The following NCAM2 variants were observed in gnomAD, a reference collection of about 807,000 sequenced individuals.
NCAM2 encodes the protein N-CAM-2.
NCAM2 carries 30 observed loss-of-function variants against 98.1 expected under a neutral mutation model. That is an observed-to-expected ratio of 0.31 (90% CI 0.23 to 0.41). The LOEUF is 0.41. Among genes scored for constraint, NCAM2 ranks in the 10% least tolerant of loss-of-function variants. NCAM2 has a pLI of 1.00. For synonymous variants in NCAM2, 368 were observed against 342.4 expected (o/e 1.07, Z -0.83); for missense variants, 867 against 1,005.8 (o/e 0.86, Z 1.87).
chr21:21,538,702 A>C lies in NCAM2; in HGVS notation c.*745A>C, dbSNP rs1274703024. The C allele has an allele frequency of 6.6e-6, 1 of 152,174 alleles. No individual in the cohort carries two copies. The highest frequency in any genetic ancestry group is 1.5e-5 in the Non-Finnish European group (1 of 68,008). The allele number at this position is 152,174 out of a possible 1,614,324, so 9.4% of individuals were successfully genotyped here. ...ATTCACAATGGATTATACAAAAAAA[A>C]GTGTATTGCAAGTGAAATAATATTG... On this transcript the variant is annotated 3_prime_UTR_variant, in exon 18 of 18. Coordinates refer to ENST00000400546, the MANE Select transcript of NCAM2 (RefSeq NM_004540.5).
chr21:21,477,279 T>C lies in NCAM2; in HGVS notation c.1897-12T>C, dbSNP rs1602455999. ...TGGATATTTACAAACTGCATTTTTATTGCTTTCACAGAAAGATAAGGAAGA... is the reference window on the plus strand; with the variant it reads ...TGGATATTTACAAACTGCATTTTTACTGCTTTCACAGAAAGATAAGGAAGA... On this transcript the variant is annotated splice_polypyrimidine_tract_variant and intron_variant, in intron 14 of 17. Coordinates refer to ENST00000400546, the MANE Select transcript of NCAM2 (RefSeq NM_004540.5). 1.3e-6 allele frequency: 2 copies of C among 1,563,482 alleles called. No individual in the cohort carries two copies. The highest frequency in any genetic ancestry group is 1.7e-6 in the Non-Finnish European group (2 of 1,153,808).
At chr21:21,259,447 C>G (rs2071806726) in intron 1 of NCAM2, among the ~76,000 whole-genome samples, 1 of 4,562 alleles carries the variant, frequency 2.2e-4, no homozygotes, top group Non-Finnish European at 5.7e-4. Context: ...GGTGCATCCC[C>G]CAGCCCCTTC....
chr21:21,009,342 C>G (rs936911561), intron 1 of NCAM2, among the ~76,000 whole-genome samples: 2 of 151,860 alleles, frequency 1.3e-5, no homozygotes, highest in African/African-American at 4.8e-5. Context: ...AATATATGAA[C>G]GTCTATAAAA....
intron 9 of NCAM2, chr21:21,385,631 A>G (rs1393627295): frequency 7.8e-7 from 1 of 1,287,882 alleles, no homozygotes; most frequent in Non-Finnish European, 1.0e-6. Context: ...GCATTCTTCC[A>G]GTTCATTTTC....
intron 11 of NCAM2, among the ~76,000 whole-genome samples, chr21:21,426,290 T>A (rs1396278158): frequency 6.6e-6 from 1 of 152,146 alleles, no homozygotes. Context: ...ATAGAACCTA[T>A]CTCAGCATAG....
chr21:21,124,069 A>C (rs1383316756), intron 1 of NCAM2, among the ~76,000 whole-genome samples: 2 of 65,482 alleles, frequency 3.1e-5, no homozygotes, highest in Non-Finnish European at 5.7e-5. Context: ...GATGGTATCG[A>C]TCTCTTGACC....
chr21:21,471,051 G>C (rs1019511994), intron 14 of NCAM2, among the ~76,000 whole-genome samples: 3 of 151,646 alleles, frequency 2.0e-5, no homozygotes, highest in Non-Finnish European at 4.4e-5. Flanking sequence ...GGTGGGGAGA[G>C]GGAACAGACA....
At chr21:21,270,229 A>C (rs1431270250) in intron 1 of NCAM2, among the ~76,000 whole-genome samples, 1 of 152,172 alleles carries the variant, frequency 6.6e-6, no homozygotes, top group East Asian at 1.9e-4. Context: ...ATTTGGGATT[A>C]GCTGCCTCTT....
At chr21:21,012,176 C>T (rs755862719) in intron 1 of NCAM2, among the ~76,000 whole-genome samples, 1 of 152,040 alleles carries the variant, frequency 6.6e-6, no homozygotes, top group Non-Finnish European at 1.5e-5. Flanking sequence ...CTTTTAGAGA[C>T]TTAAAATATT....
At chr21:21,522,824 G>A (rs1471530694) in intron 16 of NCAM2, among the ~76,000 whole-genome samples, 2 of 151,632 alleles carry the variant, frequency 1.3e-5, no homozygotes, top group African/African-American at 2.4e-5. Flanking sequence ...TAGAGGCGGG[G>A]TTTCGCCATG....
At chr21:21,463,136 G>A (rs115024525) in intron 12 of NCAM2, among the ~76,000 whole-genome samples, 4,783 of 152,144 alleles carry the variant, frequency 0.031, 263 homozygotes, top group African/African-American at 0.11. Flanking sequence ...CCAAGTGGTA[G>A]TTTTCTTTCA....
chr21:21,068,148 T>C (rs1046233324), intron 1 of NCAM2, among the ~76,000 whole-genome samples: 26 of 147,124 alleles, frequency 1.8e-4, no homozygotes, highest in African/African-American at 5.8e-4. Context: ...TTTTTTTTTT[T>C]TTTTTTGAGA....
rs1358693289 is a variant in NCAM2 at position 21,302,304 on chromosome 21, G to T, written c.619+10063G>T. 2.6e-5 allele frequency among the ~76,000 whole-genome samples: 4 copies of T among 152,028 alleles called. 1 individual carries two copies. The highest frequency in any genetic ancestry group is 1.3e-4 in the Admixed American group (2 of 15,228). ...AGTTAATTTTTGTATCTGATGAAAGGTAAGGGTCCAGTTTCAATCTTCTGC... is the reference window on the plus strand; with the variant it reads ...AGTTAATTTTTGTATCTGATGAAAGTTAAGGGTCCAGTTTCAATCTTCTGC... On this transcript the variant is annotated intron_variant, in intron 5 of 17. Coordinates refer to ENST00000400546, the MANE Select transcript of NCAM2 (RefSeq NM_004540.5).
chr21:21,280,202 G>A (rs1261146934), intron 1 of NCAM2, among the ~76,000 whole-genome samples: 2 of 151,828 alleles, frequency 1.3e-5, no homozygotes, highest in Non-Finnish European at 2.9e-5. Context: ...TTGTTGTAAT[G>A]ATAATATAGG....
At chr21:21,427,407 T>C (rs993207563) in intron 11 of NCAM2, among the ~76,000 whole-genome samples, 5 of 152,202 alleles carry the variant, frequency 3.3e-5, no homozygotes, top group Non-Finnish European at 7.3e-5. Context: ...TAGAGTTCCA[T>C]TATCAGTTAA....
At chr21:21,137,872 T>C (rs1176692042) in intron 1 of NCAM2, among the ~76,000 whole-genome samples, 1 of 152,162 alleles carries the variant, frequency 6.6e-6, no homozygotes, top group Non-Finnish European at 1.5e-5. Flanking sequence ...GATTCTTCTT[T>C]GTGTTCCTTG....
intron 12 of NCAM2, among the ~76,000 whole-genome samples, chr21:21,465,250 T>C (rs1267203994): frequency 6.6e-6 from 1 of 151,994 alleles, no homozygotes; most frequent in Admixed American, 6.6e-5. Context: ...TATTTTTTTC[T>C]TTTCTAGAAT....
At chr21:21,530,307 AT>A (rs1989606905) in intron 16 of NCAM2, among the ~76,000 whole-genome samples, 1 of 96,882 alleles carries the variant, frequency 1.0e-5, no homozygotes, top group Non-Finnish European at 2.0e-5. Flanking sequence ...ATTAAATTAA[AT>A]TATATATAAT....
chr21:21,053,070 G>A (rs970121483), intron 1 of NCAM2, among the ~76,000 whole-genome samples: 2 of 151,452 alleles, frequency 1.3e-5, no homozygotes, highest in African/African-American at 2.4e-5. Context: ...GAAAAAAAAA[G>A]CAAAAACAAT....
Sources: allele counts gnomAD v4.1 joint callset (sites outside exome capture counted in the v4.1 genomes callset), GRCh38; gene constraint gnomAD v4.1.1; transcripts MANE v1.5; gene names NCBI Gene and HGNC (gene_info 2026-07-23, HGNC 2026-07-21).